Variants in CAMTA2 observed in about 807,000 individuals in gnomAD.
The protein encoded by CAMTA2 is calmodulin binding transcription activator 2.
A neutral mutation model predicts 135.7 loss-of-function variants in CAMTA2; 56 were observed. The observed-to-expected ratio is 0.41, with a 90% CI of 0.33 to 0.52. The LOEUF (loss-of-function observed/expected upper bound fraction) is 0.52, where lower values mean the gene tolerates loss of function less well. CAMTA2 is among the 20% of genes least tolerant of loss of function. The probability of loss-of-function intolerance (pLI) is 0.16; values close to 1 mark genes in which losing one functional copy is unlikely to be tolerated. For synonymous variants in CAMTA2, 591 were observed against 604.6 expected, an observed-to-expected ratio of 0.98 and a Z score of 0.33; for missense variants, 1,358 against 1,553.4, an observed-to-expected ratio of 0.87 and a Z score of 2.11.
intron 15 of CAMTA2, 31 bp from the exon 16 acceptor site, chr17:4,972,567 C>A (rs375770324): frequency 1.9e-6 from 3 of 1,587,510 alleles, no homozygotes; most frequent in East Asian, 4.5e-5. Context: ...GTGAGGGCAG[C>A]CGGAGCCACG....
At position 4,973,260 on chromosome 17, in the gene CAMTA2, G is replaced by A. The variant is rs773986537; in HGVS notation, c.2202-7C>T. 3.1e-6 allele frequency: 5 copies of A among 1,610,880 alleles called. No homozygotes were observed. The highest frequency in any genetic ancestry group is 1.3e-5 in the African/African-American group (1 of 74,840). ...GCTTCCAGTCTCCACACTCCTGGAGGGTTTGGGAGAGAGACAGCAGAGCCC... is the reference window on the plus strand; with the variant it reads ...GCTTCCAGTCTCCACACTCCTGGAGAGTTTGGGAGAGAGACAGCAGAGCCC... On this transcript the variant is annotated splice_polypyrimidine_tract_variant and splice_region_variant and intron_variant, in intron 13 of 22. Transcript: ENST00000348066.
intron 12 of CAMTA2, chr17:4,974,096 C>A: frequency 1.9e-6 from 1 of 528,538 alleles, no homozygotes; most frequent in Non-Finnish European, 3.4e-6. Flanking sequence ...ACTTGGGACC[C>A]ACAGAGATCT....
At chr17:4,973,464 C>T in intron 13 of CAMTA2, 121 bp downstream of exon 13, 2 of 1,058,202 alleles carry the variant, frequency 1.9e-6, no homozygotes, top group Non-Finnish European at 2.8e-6. Flanking sequence ...CCAACCCCCT[C>T]CCTTCCCACA....
rs371011585 is a variant in CAMTA2, at chr17:4,969,011, C to A, written c.3471-30G>T. ...TGAAAGAAACAAAAGATGGACCTCA[C>A]AGAAGGCATCGCATGCCTTCGGCCC... On this transcript the variant is annotated intron_variant, in intron 21 of 22. Coordinates refer to ENST00000348066, the MANE Select transcript of CAMTA2 (RefSeq NM_015099.4). The surrounding 1 kb of genome is among the most constrained non-coding windows in gnomAD (Gnocchi z 5.6). 2.0e-5 allele frequency: 32 copies of A among 1,610,668 alleles called. No individual in the cohort carries two copies. Among genetic ancestry groups the A allele is most frequent in the Middle Eastern group, 1.7e-4 (1 of 6,022 alleles).
Position 4,969,203 on chromosome 17 carries a change from G to A in CAMTA2, c.3417C>T (p.Arg1139=). 1 of 1,612,232 alleles carries A rather than the reference G, an allele frequency of 6.2e-7. No individual in the cohort carries two copies. Among genetic ancestry groups the A allele is most frequent in the Non-Finnish European group, 8.5e-7 (1 of 1,179,880 alleles). The change falls in exon 21 of 23, where the codon CGC becomes CGT. Residue 1139 remains arginine, a synonymous_variant. Coordinates refer to ENST00000348066, the MANE Select transcript of CAMTA2 (RefSeq NM_015099.4). The surrounding 1 kb of genome is among the most constrained non-coding windows in gnomAD (Gnocchi z 5.6). ...VLIQQHYRSY[R]RRPGPPHRTS... Reference sequence around the variant, plus strand: ...TCCGGTGGGGAGGGCCGGGCCTGCGGCGGTAGGAGCGGTAGTGCTGCTGGA... The same window carrying A: ...TCCGGTGGGGAGGGCCGGGCCTGCGACGGTAGGAGCGGTAGTGCTGCTGGA...
intron 1 of CAMTA2, chr17:4,987,026 C>G (rs1973384845): frequency 2.1e-6 from 3 of 1,425,382 alleles, no homozygotes; most frequent in Admixed American, 3.1e-5. Flanking sequence ...GGCGGAGGCT[C>G]TCAGCACGGG....
chr17:4,970,077 G>A lies in CAMTA2; in HGVS notation c.3014C>T (p.Pro1005Leu), dbSNP rs1304566922. The stretch of plus-strand genomic sequence containing the variant: ...GACAGCCAGGCGACCTCGCTCAAAG[G>A]GCAGTTCGCTGTAGGCGGTAGGGAA... ...FPSSTPPSELPFERGRLAVPS... is the reference protein window; with the variant it reads ...FPSSTPPSELLFERGRLAVPS... Residue 1005 changes from proline (P) to leucine (L), a missense_variant, in exon 18 of 23, where the codon CCC becomes CTC. Pro to Leu is a moderately conservative substitution (Grantham distance 98). Around this residue, in one of 4 missense-constraint regions of CAMTA2, gnomAD observed 1,077 missense variants for 1,127.5 expected, o/e 0.96. Coordinates refer to ENST00000348066, the MANE Select transcript of CAMTA2 (RefSeq NM_015099.4). 1.2e-6 allele frequency: 2 copies of A among 1,613,770 alleles called. No individual in the cohort carries two copies. The highest frequency in any genetic ancestry group is 1.7e-6 in the Non-Finnish European group (2 of 1,179,976).
intron 4 of CAMTA2, 37 bp from the exon 5 acceptor site, chr17:4,982,929 A>G: frequency 6.2e-7 from 1 of 1,614,202 alleles, no homozygotes; most frequent in South Asian, 1.1e-5. Flanking sequence ...TTCTGTGAAC[A>G]GAACCCAGGA....
chr17:4,975,703 G>A (rs1034617921), intron 11 of CAMTA2, among the ~76,000 whole-genome samples: 1 of 152,166 alleles, frequency 6.6e-6, no homozygotes, highest in African/African-American at 2.4e-5. Context: ...GAGAAGTAAG[G>A]ACAGAGGGAG....
intron 3 of CAMTA2, 46 bp downstream of exon 3, chr17:4,985,834 C>T: frequency 8.1e-7 from 1 of 1,235,290 alleles, no homozygotes. Context: ...CCTCCTCCAG[C>T]CTACTAGGTC....
chr17:4,969,157 G>A lies in CAMTA2; in HGVS notation c.3463C>T (p.Arg1155Cys). ...PHRTSATLPA[R>C]NKGSFLTKKQ... ...GCTGGGGCTGGGCCCTACTTGTTGC[G>A]GGCAGGCAGGGTGGCCGAAGTCCGG... The change falls in exon 21 of 23, where the codon CGC becomes TGC. Residue 1155 changes from arginine (R) to cysteine (C), a missense_variant. Arg to Cys is a radical substitution (Grantham distance 180, BLOSUM62 -3). Around this residue, in one of 4 missense-constraint regions of CAMTA2, gnomAD observed 167 missense variants for 207.0 expected, o/e 0.81. Transcript: ENST00000348066. The surrounding 1 kb of genome is among the most constrained non-coding windows in gnomAD (Gnocchi z 5.6). 1.9e-6 allele frequency: 3 copies of A among 1,606,410 alleles called. No individual in the cohort carries two copies. The highest frequency in any genetic ancestry group is 2.5e-6 in the Non-Finnish European group (3 of 1,177,786).
At position 4,981,735 on chromosome 17, in the gene CAMTA2, G is replaced by A. The variant is rs778036102; in HGVS notation, c.508C>T (p.Arg170Cys). 3.7e-6 allele frequency: 6 copies of A among 1,613,584 alleles called. No homozygotes were observed. The highest frequency in any genetic ancestry group is 4.5e-5 in the East Asian group (2 of 44,866). The change falls in exon 7 of 23, where the codon CGT becomes TGT. Residue 170 changes from arginine (R) to cysteine (C), a missense_variant. By Grantham distance (180) the Arg-to-Cys change is radical (BLOSUM62 -3). Around this residue, in one of 4 missense-constraint regions of CAMTA2, gnomAD observed 1,077 missense variants for 1,127.5 expected, o/e 0.96. Transcript: ENST00000348066. Reference protein sequence around the residue: ...SPIFCSISSDRREWLKWSREE... With the variant: ...SPIFCSISSDCREWLKWSREE... ...CGGGACCACTTCAGCCACTCTCGAC[G>A]GTCGCTGCTGATGGAACAAAAGATG...
At chr17:4,987,477 G>A (rs1597792798) in intron 1 of CAMTA2, 116 bp downstream of exon 1, 2 of 1,402,350 alleles carry the variant, frequency 1.4e-6, no homozygotes, top group East Asian at 2.9e-5. Context: ...CGGGAGGTGA[G>A]GGCGAACCGG....
In CAMTA2 at chr17:4,982,082, T is replaced by A; in HGVS notation, c.411+7A>T. The A allele has an allele frequency of 1.9e-6, 3 of 1,608,962 alleles. No individual in the cohort carries two copies. The highest frequency in any genetic ancestry group is 2.5e-6 in the Non-Finnish European group (3 of 1,176,516). ...GAGGGTGGCTCCCTGGGCTCTTCCGTCCTTACCTGGAGCAGCCAGTAGCAG... is the reference window on the plus strand; with the variant it reads ...GAGGGTGGCTCCCTGGGCTCTTCCGACCTTACCTGGAGCAGCCAGTAGCAG... On this transcript the variant is annotated splice_region_variant and intron_variant, in intron 6 of 22. Transcript: ENST00000348066.
intron 13 of CAMTA2, 56 bp downstream of exon 13, chr17:4,973,529 C>G: frequency 6.5e-7 from 1 of 1,528,802 alleles, no homozygotes. Flanking sequence ...CTCTTCAGTC[C>G]CCTGACACTT....
chr17:4,971,405 GCA>G (rs1972276868), intron 16 of CAMTA2, among the ~76,000 whole-genome samples: 1 of 152,174 alleles, frequency 6.6e-6, no homozygotes, highest in Admixed American at 6.5e-5. Flanking sequence ...GAATGCAATG[GCA>G]CAGTCAGCTC....
rs772847169 is a variant in CAMTA2, at chr17:4,978,596, G to A, written c.1673C>T (p.Thr558Ile). 5 of 1,614,010 alleles carry A rather than the reference G, an allele frequency of 3.1e-6. No homozygotes were observed. Among genetic ancestry groups the A allele is most frequent in the Non-Finnish European group, 4.2e-6 (5 of 1,179,968 alleles). Residue 558 changes from threonine (T) to isoleucine (I), a missense_variant, in exon 10 of 23, where the codon ACC (threonine) becomes ATC (isoleucine). Around this residue, in one of 4 missense-constraint regions of CAMTA2, gnomAD observed 1,077 missense variants for 1,127.5 expected, o/e 0.96. Transcript: ENST00000348066. Reference protein sequence around the residue: ...GVKVLITGPWTEAAEHYSCVF... With the variant: ...GVKVLITGPWIEAAEHYSCVF... ...ACAGGAGTAATGCTCGGCGGCTTCG[G>A]TCCAAGGACCTGTGATGAGCACCTT...
Position 4,973,745 on chromosome 17 carries a change from C to G in CAMTA2, c.2041G>C (p.Glu681Gln). 1.2e-6 allele frequency: 2 copies of G among 1,611,520 alleles called. No individual in the cohort carries two copies. The highest frequency in any genetic ancestry group is 1.7e-5 in the Admixed American group (1 of 59,822). The change falls in exon 13 of 23, where the codon GAA (glutamate) becomes CAA (glutamine). Residue 681 changes from glutamate (E) to glutamine (Q), a missense_variant. Around this residue, in one of 4 missense-constraint regions of CAMTA2, gnomAD observed 1,077 missense variants for 1,127.5 expected, o/e 0.96. Transcript: ENST00000348066. ...TCTACCAAGACCACTACCCGTGCTT[C>G]GAACCCAGGCCCCTGGCCTTCATCC... ...VQDEGQGPGF[E>Q]ARVVVLVESM... is the part of the protein sequence containing the mutation.
In CAMTA2 at chr17:4,969,802, A is replaced by T. The variant is rs772684864; in HGVS notation, c.3189+100T>A. ...GTTCCCCTGACCCTTTACCCCATCCAAGGCCTGTCTGCACGACTACTCATC... is the reference window on the plus strand; with the variant it reads ...GTTCCCCTGACCCTTTACCCCATCCTAGGCCTGTCTGCACGACTACTCATC... On this transcript the variant is annotated intron_variant, in intron 18 of 22. Transcript: ENST00000348066. This position sits in a 1 kb window ranked among gnomAD's most constrained non-coding sequence, Gnocchi z 5.6. The T allele has an allele frequency of 8.8e-6, 14 of 1,588,572 alleles. No homozygotes were observed. Among genetic ancestry groups the T allele is most frequent in the Non-Finnish European group, 1.2e-5 (14 of 1,159,336 alleles).
Sources: allele counts gnomAD v4.1 joint callset (sites outside exome capture counted in the v4.1 genomes callset), GRCh38; gene constraint gnomAD v4.1.1; regional missense constraint gnomAD v4.1.1; non-coding constraint Gnocchi (gnomAD v3.1); transcripts MANE v1.5; gene names NCBI Gene and HGNC (gene_info 2026-07-23, HGNC 2026-07-21).